TRIM3: variants seen among roughly 807,000 people sequenced by gnomAD.
The protein encoded by TRIM3 is tripartite motif containing 3, also known as tripartite motif-containing protein 3.
TRIM3 carries 13 observed loss-of-function variants against 66.6 expected under a neutral mutation model. The ratio of observed to expected loss-of-function variants is 0.20; its 90% CI spans 0.13 to 0.31. The LOEUF (loss-of-function observed/expected upper bound fraction) is 0.31, where lower values mean the gene tolerates loss of function less well. Among genes scored for constraint, TRIM3 ranks in the 10% least tolerant of loss-of-function variants. The probability of loss-of-function intolerance (pLI) is 1.00; values close to 1 mark genes in which losing one functional copy is unlikely to be tolerated. For missense variants in TRIM3, 711 were observed against 1,020.4 expected, an observed-to-expected ratio of 0.70 and a Z score of 4.13; for synonymous variants, 406 against 411.7, an observed-to-expected ratio of 0.99 and a Z score of 0.17.
At chr11:6,466,356 G>T (rs1405930105) in intron 1 of TRIM3, among the ~76,000 whole-genome samples, 1 of 152,180 alleles carries the variant, frequency 6.6e-6, no homozygotes, top group East Asian at 1.9e-4. Flanking sequence ...CTGGAATACA[G>T]CAATAGCCTC....
At chr11:6,464,873 G>C (rs1246617791) in intron 2 of TRIM3, among the ~76,000 whole-genome samples, 1 of 151,012 alleles carries the variant, frequency 6.6e-6, no homozygotes, top group Non-Finnish European at 1.5e-5. Flanking sequence ...TGTAGTCCCA[G>C]CTACTCCGGA....
Position 6,456,310 on chromosome 11 carries a change from G to T in TRIM3, c.1416C>A (p.Leu472=), listed in dbSNP as rs778651050. The T allele has an allele frequency of 6.4e-7, 1 of 1,552,136 alleles. No individual in the cohort carries two copies. The highest frequency in any genetic ancestry group is 1.2e-5 in the South Asian group (1 of 80,934). Residue 472 remains leucine (L), a synonymous_variant, in exon 6 of 12, where the codon CTC becomes CTA. Coordinates refer to ENST00000345851, the MANE Select transcript of TRIM3 (RefSeq NM_033278.4). This position sits in a 1 kb window ranked among gnomAD's most constrained non-coding sequence, Gnocchi z 6.4. ...GGCTGTCTGTACCAACACGGAAGAC[G>T]AGCTCATCCTCAATTGGGTTGTCCT... ...KRKDNPIEDE[L]VFRVGSRGRE...
chr11:6,460,530 C>A (rs993838863), intron 2 of TRIM3, among the ~76,000 whole-genome samples: 6 of 151,980 alleles, frequency 3.9e-5, no homozygotes, highest in African/African-American at 1.5e-4. Flanking sequence ...GGACGTCAGT[C>A]TCTGAATGGA....
intron 7 of TRIM3, among the ~76,000 whole-genome samples, chr11:6,454,386 C>CAA (rs10665333): frequency 0.44 from 56,846 of 128,782 alleles, 13,691 homozygotes; most frequent in Non-Finnish European, 0.55. Flanking sequence ...GACCCTGTCT[C>CAA]AAAAAAAAAA....
In TRIM3 at chr11:6,457,635, C is replaced by A; in HGVS notation, c.515+61G>T. On this transcript the variant is annotated intron_variant, in intron 4 of 11. Coordinates refer to ENST00000345851, the MANE Select transcript of TRIM3 (RefSeq NM_033278.4). The surrounding 1 kb of genome is among the most constrained non-coding windows in gnomAD (Gnocchi z 4.5). Reference sequence around the variant, plus strand: ...TTCCCAGACCCTTTATTCCCCTCCCCGCCCGAGCTAAGACACCATCCCTGT... The same window carrying A: ...TTCCCAGACCCTTTATTCCCCTCCCAGCCCGAGCTAAGACACCATCCCTGT... The A allele has an allele frequency of 1.3e-6, 2 of 1,575,190 alleles. No homozygotes were observed. The highest frequency in any genetic ancestry group is 2.3e-5 in the East Asian group (1 of 44,362).
rs1169751306 is a variant in TRIM3, at chr11:6,450,708, G to C, written c.1871-87C>G. The C allele has an allele frequency of 2.6e-5, 38 of 1,445,736 alleles. No individual in the cohort carries two copies. The highest frequency in any genetic ancestry group is 3.2e-5 in the Non-Finnish European group (33 of 1,030,540). 89.6% of individuals were successfully genotyped at this position (1,445,736 alleles called of 1,614,324 possible). A position where few individuals can be genotyped will look rare whatever the true frequency, so the allele number is the denominator to read the frequency against. On this transcript the variant is annotated intron_variant, in intron 9 of 11. Coordinates refer to ENST00000345851, the MANE Select transcript of TRIM3 (RefSeq NM_033278.4). This position sits in a 1 kb window ranked among gnomAD's most constrained non-coding sequence, Gnocchi z 4.8. ...TATCTGGGAAGATAAAAGCTAGGGT[G>C]TTAGGAGAGGGGTGGGGTCTCCAGG...
At chr11:6,465,217 C>T (rs185046787) in intron 2 of TRIM3, among the ~76,000 whole-genome samples, 1 of 152,248 alleles carries the variant, frequency 6.6e-6, no homozygotes, top group Non-Finnish European at 1.5e-5. Flanking sequence ...CTTCAAATAT[C>T]CTCCAACTAG....
Position 6,456,933 on chromosome 11 carries a change from G to A in TRIM3, c.793C>T (p.Pro265Ser). 6.2e-7 allele frequency: 1 copy of A among 1,610,910 alleles called. No homozygotes were observed. Among genetic ancestry groups the A allele is most frequent in the Non-Finnish European group, 8.5e-7 (1 of 1,179,860 alleles). The change falls in exon 6 of 12, where the codon CCG becomes TCG. Residue 265 changes from proline to serine, a missense_variant. Physicochemically the swap from Pro to Ser is moderately conservative, Grantham distance 74. Around this residue, in one of 3 missense-constraint regions of TRIM3, gnomAD observed 399 missense variants for 458.1 expected, o/e 0.87. Transcript: ENST00000345851. This position sits in a 1 kb window ranked among gnomAD's most constrained non-coding sequence, Gnocchi z 6.4. ...AEQALRLGSA[P>S]EVLLVRKHMR... The stretch of plus-strand genomic sequence containing the variant: ...TGCTTGCGCACCAGCAACACCTCCG[G>A]GGCCGAGCCCAGGCGCAGTGCCTGC...
chr11:6,452,704 C>A (rs1355752672), intron 7 of TRIM3: 9 of 152,218 alleles, frequency 5.9e-5, no homozygotes, highest in Non-Finnish European at 1.2e-4. Flanking sequence ...AGGGAGATAC[C>A]ATGAGCTCCA....
At chr11:6,465,513 C>T (rs1850422465) in intron 2 of TRIM3, 52 bp downstream of exon 2, 3 of 1,600,566 alleles carry the variant, frequency 1.9e-6, no homozygotes, top group Non-Finnish European at 8.6e-7. Context: ...GAGGAGGATC[C>T]TCATCCTCCC....
rs1850000912 is a variant in TRIM3 at position 6,456,647 on chromosome 11, GC to G, written c.1078del (p.Ala360LeufsTer29). 1 of 1,610,676 alleles carries G rather than the reference GC, an allele frequency of 6.2e-7. No homozygotes were observed. Among genetic ancestry groups the G allele is most frequent in the Non-Finnish European group, 8.5e-7 (1 of 1,178,604 alleles). On this transcript the variant is annotated frameshift_variant, in exon 6 of 12. Transcript: ENST00000345851. LOFTEE classifies it high-confidence loss of function. This position sits in a 1 kb window ranked among gnomAD's most constrained non-coding sequence, Gnocchi z 6.4. The stretch of plus-strand genomic sequence containing the variant: ...GCCGGTGATCTCTGCACGCAGCTCA[GC>G]GCTGCCTGTGCGCACCAACCGCCCG... ...KDGRLVRTGS[A>X]ELRAEITGPD...
chr11:6,455,586 A>G (rs1445440903), intron 7 of TRIM3, among the ~76,000 whole-genome samples: 1 of 152,178 alleles, frequency 6.6e-6, no homozygotes, highest in African/African-American at 2.4e-5. Context: ...TAGCCACTGA[A>G]AGATACCCCC....
At chr11:6,453,700 A>C (rs954258669) in intron 7 of TRIM3, among the ~76,000 whole-genome samples, 2 of 152,204 alleles carry the variant, frequency 1.3e-5, no homozygotes, top group African/African-American at 4.8e-5. Context: ...GACATAATAT[A>C]TACAAATCAA....
chr11:6,457,609 C>A lies in TRIM3; in HGVS notation c.515+87G>T. ...CCTCCCTGAGACTTCCATCTCTGCC[C>A]TTCCCAGACCCTTTATTCCCCTCCC... On this transcript the variant is annotated intron_variant, in intron 4 of 11. Transcript: ENST00000345851. The surrounding 1 kb of genome is among the most constrained non-coding windows in gnomAD (Gnocchi z 4.5). 3.2e-6 allele frequency: 5 copies of A among 1,556,574 alleles called. No individual in the cohort carries two copies. Among genetic ancestry groups the A allele is most frequent in the Non-Finnish European group, 3.5e-6 (4 of 1,149,378 alleles).
At chr11:6,468,082 G>A (rs34438642) in intron 1 of TRIM3, among the ~76,000 whole-genome samples, 4 of 152,168 alleles carry the variant, frequency 2.6e-5, no homozygotes, top group East Asian at 1.9e-4. Context: ...TCAGGAGTTC[G>A]AGATCAGTCT....
At position 6,457,910 on chromosome 11, in the gene TRIM3, C is replaced by A; in HGVS notation, c.364-63G>T. 2 of 1,592,576 alleles carry A rather than the reference C, an allele frequency of 1.3e-6. No homozygotes were observed. The highest frequency in any genetic ancestry group is 1.1e-5 in the South Asian group (1 of 87,710). Reference sequence around the variant, plus strand: ...ATCACACTTCTTTGTCCCCTCCCCACCTGCCCTCCCTGCCCCTCACCTTCT... The same window carrying A: ...ATCACACTTCTTTGTCCCCTCCCCAACTGCCCTCCCTGCCCCTCACCTTCT... On this transcript the variant is annotated intron_variant, in intron 3 of 11. Transcript: ENST00000345851. The surrounding 1 kb of genome is among the most constrained non-coding windows in gnomAD (Gnocchi z 4.5).
At chr11:6,467,675 G>A (rs1850521438) in intron 1 of TRIM3, among the ~76,000 whole-genome samples, 1 of 152,154 alleles carries the variant, frequency 6.6e-6, no homozygotes, top group Admixed American at 6.5e-5. Flanking sequence ...TGAGGTGGGA[G>A]GATTGCTTGA....
chr11:6,457,595 C>T lies in TRIM3; in HGVS notation c.515+101G>A. 3 of 1,551,396 alleles carry T rather than the reference C, an allele frequency of 1.9e-6. No homozygotes were observed. The highest frequency in any genetic ancestry group is 1.2e-5 in the South Asian group (1 of 82,860). ...TCTCCTTCCTGAGACCTCCCTGAGA[C>T]TTCCATCTCTGCCCTTCCCAGACCC... On this transcript the variant is annotated intron_variant, in intron 4 of 11. Transcript: ENST00000345851. This position sits in a 1 kb window ranked among gnomAD's most constrained non-coding sequence, Gnocchi z 4.5.
chr11:6,460,737 A>G (rs1850190842), intron 2 of TRIM3, among the ~76,000 whole-genome samples: 1 of 152,130 alleles, frequency 6.6e-6, no homozygotes, highest in Non-Finnish European at 1.5e-5. Flanking sequence ...GATCTGCATT[A>G]TGCAAACTCT....
Sources: allele counts gnomAD v4.1 joint callset (sites outside exome capture counted in the v4.1 genomes callset), GRCh38; gene constraint gnomAD v4.1.1; regional missense constraint gnomAD v4.1.1; non-coding constraint Gnocchi (gnomAD v3.1); transcripts MANE v1.5; gene names NCBI Gene and HGNC (gene_info 2026-07-23, HGNC 2026-07-21).